PRKAR1A: variants seen among roughly 807,000 people sequenced by gnomAD.
PRKAR1A encodes the protein cAMP-dependent protein kinase type I-alpha regulatory subunit.
PRKAR1A carries 3 observed loss-of-function variants against 52.0 expected under a neutral mutation model. The observed-to-expected ratio is 0.06, with a 90% CI of 0.03 to 0.15. PRKAR1A has a LOEUF of 0.15. PRKAR1A is among the 10% of genes least tolerant of loss of function. The pLI is 1.00. For missense variants in PRKAR1A, 240 were observed against 477.4 expected (o/e 0.50, Z 4.63); for synonymous variants, 188 against 168.4 (o/e 1.12, Z -0.90).
the PRKAR1A span, among the ~76,000 whole-genome samples, chr17:68,499,368 AAGAGAG>A: frequency 0.033 from 4,657 of 140,420 alleles, 206 homozygotes; most frequent in African/African-American, 0.11. Flanking sequence ...AAGGGAGGAA[AAGAGAG>A]AGAGAGAGAG....
Position 68,530,338 on chromosome 17 carries a change from G to A in PRKAR1A, c.1035G>A (p.Leu345=). The A allele has an allele frequency of 6.2e-7, 1 of 1,614,108 alleles. No homozygotes were observed. The highest frequency in any genetic ancestry group is 8.5e-7 in the Non-Finnish European group (1 of 1,179,986). The change falls in exon 11 of 11, where the codon TTG becomes TTA. Residue 345 remains leucine, a synonymous_variant. Transcript: ENST00000589228. ...RAATVVARGP[L]KCVKLDRPRF... ...CCACAGTTGTTGCTCGTGGCCCCTT[G>A]AAGTGCGTTAAGCTGGACCGACCTA...
At chr17:68,454,379 G>A in the PRKAR1A span, among the ~76,000 whole-genome samples, 3 of 152,160 alleles carry the variant, frequency 2.0e-5, no homozygotes, top group Non-Finnish European at 2.9e-5. Flanking sequence ...TGTTTCACTA[G>A]CCTAAAAAAG....
At chr17:68,457,756 G>A in the PRKAR1A span, among the ~76,000 whole-genome samples, 10 of 152,004 alleles carry the variant, frequency 6.6e-5, no homozygotes, top group African/African-American at 2.4e-4. Flanking sequence ...CGTGGCAGCT[G>A]TGGGCGGACC....
chr17:68,430,199 C>T, the PRKAR1A span: 1 of 1,577,688 alleles, frequency 6.3e-7, no homozygotes, highest in Non-Finnish European at 8.6e-7. Context: ...GACTGGGCTG[C>T]AGGCCCCACA....
the PRKAR1A span, among the ~76,000 whole-genome samples, chr17:68,488,656 G>A: frequency 6.6e-6 from 1 of 151,336 alleles, no homozygotes; most frequent in East Asian, 1.9e-4. Flanking sequence ...GCTTGAACTG[G>A]GAGGCAGAGG....
At chr17:68,540,716 TTC>T (rs1377461216) in intron 11 of PRKAR1A, 2 of 1,161,340 alleles carry the variant, frequency 1.7e-6, no homozygotes, top group Admixed American at 2.0e-5. Flanking sequence ...CCTCCGCCAC[TTC>T]TGAGGCTGTG....
At chr17:68,534,897 A>G (rs2086060936), downstream of PRKAR1A, among the ~76,000 whole-genome samples, 1 of 152,232 alleles carries the variant, frequency 6.6e-6, no homozygotes, top group African/African-American at 2.4e-5. Context: ...TATTTCCCCT[A>G]GGAGCAATGT....
At chr17:68,467,920 G>A in the PRKAR1A span, among the ~76,000 whole-genome samples, 20,096 of 151,974 alleles carry the variant, frequency 0.13, 1,394 homozygotes, top group Middle Eastern at 0.18. Context: ...TTGGAGACAC[G>A]ATCTTGCTCT....
At chr17:68,514,012 G>T (rs2085352133) in intron 1 of PRKAR1A, among the ~76,000 whole-genome samples, 1 of 152,158 alleles carries the variant, frequency 6.6e-6, no homozygotes, top group African/African-American at 2.4e-5. Context: ...TCATATGATT[G>T]CCTGACCTGG....
At chr17:68,515,616 A>G (rs2085409048) in intron 2 of PRKAR1A, 40 bp downstream of exon 2, 1 of 1,586,254 alleles carries the variant, frequency 6.3e-7, no homozygotes, top group African/African-American at 1.3e-5. Flanking sequence ...TGATTGTGAC[A>G]GTTGTTACAT....
chr17:68,504,315 A>G, the PRKAR1A span, among the ~76,000 whole-genome samples: 1 of 151,920 alleles, frequency 6.6e-6, no homozygotes, highest in South Asian at 2.1e-4. Context: ...AAAAAAAAAA[A>G]ATTTAGCCAG....
the PRKAR1A span, among the ~76,000 whole-genome samples, chr17:68,447,484 C>T: frequency 2.0e-5 from 3 of 152,116 alleles, no homozygotes; most frequent in Non-Finnish European, 4.4e-5. Context: ...TGGGCTTAAA[C>T]GATCCTCCTG....
chr17:68,527,253 G>C (rs2085821138), intron 7 of PRKAR1A, among the ~76,000 whole-genome samples: 1 of 152,148 alleles, frequency 6.6e-6, no homozygotes. Flanking sequence ...TATATAGCTG[G>C]GTAGGGGAGG....
At chr17:68,525,006 A>T in intron 6 of PRKAR1A, 48 bp downstream of exon 6, 1 of 1,453,220 alleles carries the variant, frequency 6.9e-7, no homozygotes, top group Non-Finnish European at 9.7e-7. Flanking sequence ...AAGCCAATGT[A>T]TTGATCGCTT....
At chr17:68,444,854 C>T in the PRKAR1A span, among the ~76,000 whole-genome samples, 2 of 151,568 alleles carry the variant, frequency 1.3e-5, no homozygotes. Flanking sequence ...TTCTTCCCTC[C>T]CTCCATTCCT....
the PRKAR1A span, chr17:68,426,249 C>T: frequency 6.9e-5 from 54 of 787,810 alleles, 7 homozygotes; most frequent in East Asian, 1.8e-4. Flanking sequence ...GGGTGGGGAG[C>T]GGGGGCTCAA....
downstream of PRKAR1A, chr17:68,535,927 C>G: frequency 2.2e-6 from 1 of 454,034 alleles, no homozygotes; most frequent in South Asian, 1.6e-5. Context: ...TGTGATTTTG[C>G]TTACTCTCTC....
the PRKAR1A span, among the ~76,000 whole-genome samples, chr17:68,483,070 T>C: frequency 6.6e-6 from 1 of 152,208 alleles, no homozygotes; most frequent in African/African-American, 2.4e-5. Flanking sequence ...TATGTTGTCT[T>C]CTACATATTC....
the PRKAR1A span, chr17:68,429,961 G>A: frequency 4.3e-6 from 7 of 1,611,786 alleles, no homozygotes; most frequent in Admixed American, 6.7e-5. Context: ...TGACGAAAGT[G>A]TGGTCTTGTT....
Sources: allele counts gnomAD v4.1 joint callset (sites outside exome capture counted in the v4.1 genomes callset), GRCh38; gene constraint gnomAD v4.1.1; transcripts MANE v1.5; gene names NCBI Gene and HGNC (gene_info 2026-07-23, HGNC 2026-07-21).